Variants in ERC2 observed in about 807,000 individuals in gnomAD.
The protein encoded by ERC2 is ELKS/RAB6-interacting/CAST family member 2, also known as ERC protein 2.
A neutral mutation model predicts 114.8 loss-of-function variants in ERC2; 42 were observed. That is an observed-to-expected ratio of 0.37 (90% CI 0.29 to 0.47). ERC2 has a LOEUF of 0.47. Among genes scored for constraint, ERC2 ranks in the 20% least tolerant of loss-of-function variants. ERC2 has a pLI of 0.99. For synonymous variants in ERC2, 454 were observed against 425.5 expected, an observed-to-expected ratio of 1.07 and a Z score of -0.82; for missense variants, 939 against 1,150.7, an observed-to-expected ratio of 0.82 and a Z score of 2.66.
intron 6 of ERC2, among the ~76,000 whole-genome samples, chr3:56,089,258 G>T (rs914905717): frequency 6.6e-6 from 1 of 152,232 alleles, no homozygotes; most frequent in South Asian, 2.1e-4. Flanking sequence ...ACTGAAAATT[G>T]TCAATTAACA....
intron 2 of ERC2, among the ~76,000 whole-genome samples, chr3:56,425,936 C>G (rs139843193): frequency 5.3e-5 from 8 of 152,188 alleles, no homozygotes. Context: ...GCAGCTCACA[C>G]GTCTCTGGAC....
At chr3:56,170,585 G>GT (rs1178172687) in intron 4 of ERC2, among the ~76,000 whole-genome samples, 3,165 of 61,720 alleles carry the variant, frequency 0.051, 274 homozygotes, top group Admixed American at 0.08. Flanking sequence ...AATCTCTTCT[G>GT]TTTTTTTTTT....
chr3:55,957,490 G>A (rs2068039676), intron 12 of ERC2, among the ~76,000 whole-genome samples: 2 of 152,196 alleles, frequency 1.3e-5, no homozygotes, highest in African/African-American at 4.8e-5. Context: ...TCCTTAGGGT[G>A]TTCCTCCACC....
chr3:56,434,981 G>T lies in ERC2; in HGVS notation c.27C>A (p.Thr9=). Reference sequence around the variant, plus strand: ...ATCTGGAAGGGCTACCTTCCAGATTGGTGATTGTTCTTGCACTTCCATACA... The same window carrying T: ...ATCTGGAAGGGCTACCTTCCAGATTTGTGATTGTTCTTGCACTTCCATACA... MYGSARTI[T]NLEGSPSRSP... The change falls in exon 2 of 18, where the codon ACC becomes ACA. Residue 9 remains threonine (T), a synonymous_variant. Transcript: ENST00000288221. The T allele has an allele frequency of 6.2e-7, 1 of 1,611,598 alleles. No individual in the cohort carries two copies. Among genetic ancestry groups the T allele is most frequent in the Non-Finnish European group, 8.5e-7 (1 of 1,179,652 alleles).
intron 14 of ERC2, among the ~76,000 whole-genome samples, chr3:55,844,088 A>G (rs1370955721): frequency 6.6e-6 from 1 of 152,236 alleles, no homozygotes; most frequent in Non-Finnish European, 1.5e-5. Context: ...ATTTTCCTCC[A>G]GAAATACAAA....
At chr3:55,811,254 C>T (rs762554220) in intron 14 of ERC2, among the ~76,000 whole-genome samples, 33 of 152,142 alleles carry the variant, frequency 2.2e-4, no homozygotes, top group Non-Finnish European at 4.4e-4. Context: ...AGTAAATGTG[C>T]CATATCAAGC....
chr3:55,732,801 T>C (rs760708529), intron 15 of ERC2, among the ~76,000 whole-genome samples: 1 of 152,214 alleles, frequency 6.6e-6, no homozygotes, highest in African/African-American at 2.4e-5. Flanking sequence ...TCTGGAACCA[T>C]TGGTATATAC....
At chr3:55,721,193 CCCAA>C (rs2064527646) in intron 15 of ERC2, among the ~76,000 whole-genome samples, 1 of 152,190 alleles carries the variant, frequency 6.6e-6, no homozygotes, top group Non-Finnish European at 1.5e-5. Context: ...TGTGTCCTGG[CCCAA>C]CCACTTATCA....
At chr3:56,462,312 A>T (rs2063349079) in intron 1 of ERC2, among the ~76,000 whole-genome samples, 1 of 152,224 alleles carries the variant, frequency 6.6e-6, no homozygotes, top group Non-Finnish European at 1.5e-5. Flanking sequence ...ATCATAGGTT[A>T]ACAGCAACTA....
intron 4 of ERC2, among the ~76,000 whole-genome samples, chr3:56,165,755 CA>C (rs1171904925): frequency 6.6e-6 from 1 of 151,528 alleles, no homozygotes; most frequent in Non-Finnish European, 1.5e-5. Context: ...CTAGTATGTA[CA>C]AATAAGATTC....
intron 12 of ERC2, among the ~76,000 whole-genome samples, chr3:55,959,217 G>T (rs1377230824): frequency 6.6e-6 from 1 of 152,160 alleles, no homozygotes; most frequent in East Asian, 1.9e-4. Flanking sequence ...GTAACAATTA[G>T]CAAAAGAAGG....
At chr3:55,768,596 T>C (rs1216644443) in intron 14 of ERC2, among the ~76,000 whole-genome samples, 1 of 152,000 alleles carries the variant, frequency 6.6e-6, no homozygotes, top group Non-Finnish European at 1.5e-5. Flanking sequence ...GTGAAGGAGA[T>C]GTTTGAACTG....
At chr3:56,465,273 C>T (rs146863113) in intron 1 of ERC2, among the ~76,000 whole-genome samples, 1 of 152,234 alleles carries the variant, frequency 6.6e-6, no homozygotes, top group East Asian at 1.9e-4. Context: ...GTGGCGGGCA[C>T]CTGTAATCCC....
At chr3:56,456,652 C>T (rs1386815752) in intron 1 of ERC2, among the ~76,000 whole-genome samples, 1 of 152,204 alleles carries the variant, frequency 6.6e-6, no homozygotes, top group African/African-American at 2.4e-5. Context: ...CCATATTGGG[C>T]ATGCCTAATG....
intron 2 of ERC2, among the ~76,000 whole-genome samples, chr3:56,399,440 G>T (rs187759393): frequency 6.6e-6 from 1 of 152,018 alleles, no homozygotes; most frequent in South Asian, 2.1e-4. Context: ...TGTCAATGTC[G>T]GCATGGGGAA....
At chr3:56,447,019 A>G (rs1031568704) in intron 1 of ERC2, among the ~76,000 whole-genome samples, 15 of 152,236 alleles carry the variant, frequency 9.9e-5, no homozygotes, top group African/African-American at 3.4e-4. Context: ...CGCCTCCGGA[A>G]GGGCAAGAAA....
At position 56,295,060 on chromosome 3, in the gene ERC2, C is replaced by T. The variant is rs771207953; in HGVS notation, c.1074+959G>A. ...ATCCCAACATGGAAGCCATGTCTTC[C>T]GACCAACCAAACAAGTGACTCACAA... On this transcript the variant is annotated intron_variant, in intron 3 of 17. Transcript: ENST00000288221. 2.0e-5 allele frequency among the ~76,000 whole-genome samples: 3 copies of T among 152,166 alleles called. 1 individual carries two copies. Among genetic ancestry groups the T allele is most frequent in the Middle Eastern group, 6.3e-3 (2 of 316 alleles).
At chr3:55,778,052 A>G (rs1252085230) in intron 14 of ERC2, among the ~76,000 whole-genome samples, 1 of 152,206 alleles carries the variant, frequency 6.6e-6, no homozygotes, top group Non-Finnish European at 1.5e-5. Flanking sequence ...TTTTTCAATG[A>G]AGTAAATCCA....
intron 4 of ERC2, among the ~76,000 whole-genome samples, chr3:56,164,050 C>A (rs2149998042): frequency 6.6e-6 from 1 of 151,846 alleles, no homozygotes; most frequent in East Asian, 1.9e-4. Flanking sequence ...CTCTTGTAAG[C>A]CTTAAGTAAG....
Sources: allele counts gnomAD v4.1 joint callset (sites outside exome capture counted in the v4.1 genomes callset), GRCh38; gene constraint gnomAD v4.1.1; transcripts MANE v1.5; gene names NCBI Gene and HGNC (gene_info 2026-07-23, HGNC 2026-07-21).